The following TMEM163 variants were observed in gnomAD, a reference collection of about 807,000 sequenced individuals.
The protein encoded by TMEM163 is transmembrane protein 163.
In TMEM163, 17 loss-of-function variants were observed where a neutral mutation model predicts 29.3. The observed-to-expected ratio is 0.58, with a 90% CI of 0.40 to 0.87. TMEM163 has a LOEUF of 0.87. Among genes scored for constraint, TMEM163 ranks in the 40% least tolerant of loss-of-function variants. The pLI is 0.00. For synonymous variants in TMEM163, 157 were observed against 160.6 expected, an observed-to-expected ratio of 0.98 and a Z score of 0.17; for missense variants, 303 against 381.5, an observed-to-expected ratio of 0.79 and a Z score of 1.71.
rs184249199 is a variant in TMEM163 at position 134,604,786 on chromosome 2, A to G, written c.323-52695T>C. ...ACTTCACAGAAGAAATCATTGGTCA[A>G]TATACATGGTAAAATATTCTCAACT... On this transcript the variant is annotated intron_variant, in intron 2 of 7. Coordinates refer to ENST00000281924, the MANE Select transcript of TMEM163 (RefSeq NM_030923.5). Among the ~76,000 whole-genome samples, 31 of 152,388 alleles carry G rather than the reference A, an allele frequency of 2.0e-4. 3 individuals carry two copies. In the East Asian group the frequency reaches 4.2e-3, roughly 21 times the overall value.
chr2:134,496,005 G>T (rs1679548136), intron 5 of TMEM163, among the ~76,000 whole-genome samples: 1 of 152,050 alleles, frequency 6.6e-6, no homozygotes, highest in Non-Finnish European at 1.5e-5. Context: ...ACCATGAATA[G>T]AAGTCGGTTA....
Position 134,665,898 on chromosome 2 carries a change from C to T in TMEM163, c.322+47302G>A, listed in dbSNP as rs374203649. On this transcript the variant is annotated intron_variant, in intron 2 of 7. Coordinates refer to ENST00000281924, the MANE Select transcript of TMEM163 (RefSeq NM_030923.5). ...CTTGTGGCAAGCTCTCACCAAACGT[C>T]TGCAGCTGTTATTATTTTTGTGACT... is the stretch of plus-strand genomic sequence containing the variant. 1.4e-4 allele frequency among the ~76,000 whole-genome samples: 22 copies of T among 152,194 alleles called. 1 individual carries two copies. The highest frequency in any genetic ancestry group is 4.6e-4 in the African/African-American group (19 of 41,446).
intron 5 of TMEM163, among the ~76,000 whole-genome samples, chr2:134,479,007 A>G (rs940803143): frequency 5.3e-5 from 8 of 152,180 alleles, no homozygotes; most frequent in African/African-American, 1.9e-4. Flanking sequence ...AGAGACCCCA[A>G]AGGACATCCT....
intron 2 of TMEM163, among the ~76,000 whole-genome samples, chr2:134,558,140 A>G (rs952029035): frequency 1.3e-5 from 2 of 152,204 alleles, no homozygotes; most frequent in Non-Finnish European, 2.9e-5. Context: ...GCATATGACT[A>G]TATGTGTCTT....
At chr2:134,507,414 G>A (rs1198957224) in intron 4 of TMEM163, among the ~76,000 whole-genome samples, 3 of 152,102 alleles carry the variant, frequency 2.0e-5, no homozygotes, top group African/African-American at 4.8e-5. Flanking sequence ...TGTGGTCCAC[G>A]AATCAGCAGC....
chr2:134,504,310 C>T (rs901490724), intron 4 of TMEM163, among the ~76,000 whole-genome samples: 1 of 152,038 alleles, frequency 6.6e-6, no homozygotes, highest in African/African-American at 2.4e-5. Flanking sequence ...ACGGAATCAT[C>T]GCAGGTTGGA....
chr2:134,620,267 T>G (rs1574286181), intron 2 of TMEM163, among the ~76,000 whole-genome samples: 1 of 152,220 alleles, frequency 6.6e-6, no homozygotes, highest in East Asian at 1.9e-4. Context: ...CTTTTTTTTT[T>G]TTTTTTAAGA....
chr2:134,576,161 C>G (rs892902532), intron 2 of TMEM163, among the ~76,000 whole-genome samples: 2 of 152,004 alleles, frequency 1.3e-5, no homozygotes, highest in Non-Finnish European at 2.9e-5. Context: ...GGTGTGAGAC[C>G]AGGGGATACA....
chr2:134,706,623 G>A (rs72972261), intron 2 of TMEM163, among the ~76,000 whole-genome samples: 6,084 of 152,210 alleles, frequency 0.04, 415 homozygotes, highest in African/African-American at 0.14. Context: ...GTAAAATTTC[G>A]CTAGAAAAAG....
intron 2 of TMEM163, among the ~76,000 whole-genome samples, chr2:134,598,179 A>G (rs1475960712): frequency 6.6e-6 from 1 of 152,204 alleles, no homozygotes; most frequent in Non-Finnish European, 1.5e-5. Context: ...AGTAGCTGAC[A>G]GTCCATCCCC....
intron 4 of TMEM163, among the ~76,000 whole-genome samples, chr2:134,512,780 AT>A (rs1221194817): frequency 2.0e-5 from 3 of 152,216 alleles, no homozygotes; most frequent in African/African-American, 7.2e-5. Flanking sequence ...GGATTTAGGC[AT>A]TTACAAAGAT....
At chr2:134,615,395 G>A (rs1348033168) in intron 2 of TMEM163, among the ~76,000 whole-genome samples, 1 of 152,158 alleles carries the variant, frequency 6.6e-6, no homozygotes, top group Non-Finnish European at 1.5e-5. Flanking sequence ...TTTATAAGTG[G>A]ATAGCTCATT....
chr2:134,535,018 T>C (rs888266390), intron 4 of TMEM163, among the ~76,000 whole-genome samples: 4 of 152,180 alleles, frequency 2.6e-5, no homozygotes, highest in Non-Finnish European at 5.9e-5. Flanking sequence ...CAGAAGAGAC[T>C]TGTCAACAGA....
intron 2 of TMEM163, among the ~76,000 whole-genome samples, chr2:134,693,070 C>G: frequency 6.6e-6 from 1 of 152,098 alleles, no homozygotes; most frequent in East Asian, 1.9e-4. Context: ...GAAGACATCT[C>G]TGGACCCCCC....
chr2:134,716,721 G>A (rs1302254479), intron 1 of TMEM163, among the ~76,000 whole-genome samples: 1 of 152,132 alleles, frequency 6.6e-6, no homozygotes, highest in East Asian at 1.9e-4. Context: ...TTGGAAAAAT[G>A]CAGCCCCATA....
chr2:134,477,451 C>A (rs1049710182), intron 5 of TMEM163, among the ~76,000 whole-genome samples: 2 of 152,116 alleles, frequency 1.3e-5, no homozygotes, highest in Non-Finnish European at 2.9e-5. Context: ...TTTCAGGAAC[C>A]GTCAGTTTGC....
intron 5 of TMEM163, among the ~76,000 whole-genome samples, chr2:134,500,399 C>T (rs1189775103): frequency 6.6e-6 from 1 of 152,238 alleles, no homozygotes; most frequent in Non-Finnish European, 1.5e-5. Context: ...CCGTGGGCCA[C>T]TCAGCCCTCA....
intron 2 of TMEM163, among the ~76,000 whole-genome samples, chr2:134,707,533 A>ACATG (rs1684840720): frequency 6.6e-6 from 1 of 152,194 alleles, no homozygotes; most frequent in South Asian, 2.1e-4. Flanking sequence ...GGATCATTCC[A>ACATG]CATGCAGAAT....
At chr2:134,706,798 A>G (rs993725727) in intron 2 of TMEM163, among the ~76,000 whole-genome samples, 4 of 152,114 alleles carry the variant, frequency 2.6e-5, no homozygotes, top group Non-Finnish European at 2.9e-5. Flanking sequence ...GAAGGGGACA[A>G]GATCATGAGG....
Sources: allele counts gnomAD v4.1 joint callset (sites outside exome capture counted in the v4.1 genomes callset), GRCh38; gene constraint gnomAD v4.1.1; transcripts MANE v1.5; gene names NCBI Gene and HGNC (gene_info 2026-07-23, HGNC 2026-07-21).